KDM3A: variants seen among roughly 807,000 people sequenced by gnomAD.
KDM3A encodes lysine demethylase 3A, also known as lysine-specific demethylase 3A.
Under a neutral mutation model 158.0 loss-of-function variants are expected in KDM3A, and 60 were observed. The observed-to-expected ratio is 0.38, with a 90% CI of 0.31 to 0.47. The LOEUF (loss-of-function observed/expected upper bound fraction) is 0.47, where lower values mean the gene tolerates loss of function less well. KDM3A is among the 20% of genes least tolerant of loss of function. The pLI, the probability that KDM3A is intolerant of heterozygous loss-of-function variation, is 0.99. For missense variants in KDM3A, 1,319 were observed against 1,574.3 expected, an observed-to-expected ratio of 0.84 and a Z score of 2.74; for synonymous variants, 608 against 549.3, an observed-to-expected ratio of 1.11 and a Z score of -1.49.
intron 8 of KDM3A, among the ~76,000 whole-genome samples, chr2:86,461,189 C>A (rs1235143820): frequency 6.6e-6 from 1 of 152,112 alleles, no homozygotes; most frequent in South Asian, 2.1e-4. Context: ...ACACCAAAAT[C>A]CAGTACTCTT....
intron 12 of KDM3A, 79 bp from the exon 13 acceptor site, chr2:86,477,798 G>A (rs1407753742): frequency 7.4e-7 from 1 of 1,350,192 alleles, no homozygotes; most frequent in African/African-American, 1.5e-5. Context: ...AGGGAGGAAT[G>A]ACAATAACCC....
intron 4 of KDM3A, among the ~76,000 whole-genome samples, chr2:86,451,478 TAAA>T (rs1332162931): frequency 6.6e-6 from 1 of 152,184 alleles, no homozygotes; most frequent in Non-Finnish European, 1.5e-5. Context: ...ATTAGCTAGA[TAAA>T]AGAAAATGTT....
Position 86,480,242 on chromosome 2 carries a change from G to A in KDM3A, c.2392G>A (p.Val798Met), listed in dbSNP as rs1262066469. ...QNPSVLEPAAVGGEAASKPAG... is the reference protein window; with the variant it reads ...QNPSVLEPAAMGGEAASKPAG... Reference sequence around the variant, plus strand: ...TCCCTCAGTGTTGGAGCCAGCAGCTGTGGGTGGGGAAGCAGCCTCCAAGCC... The same window carrying A: ...TCCCTCAGTGTTGGAGCCAGCAGCTATGGGTGGGGAAGCAGCCTCCAAGCC... The change falls in exon 16 of 26, where the codon GTG becomes ATG. Residue 798 changes from valine (V) to methionine (M), a missense_variant. Physicochemically the swap from Val to Met is conservative, Grantham distance 21. This residue lies in a region of KDM3A where 368 missense variants were observed against 415.8 expected (regional missense o/e 0.89). Transcript: ENST00000312912. 5 of 1,613,822 alleles carry A rather than the reference G, an allele frequency of 3.1e-6. No homozygotes were observed. The highest frequency in any genetic ancestry group is 1.3e-5 in the African/African-American group (1 of 75,046).
chr2:86,475,363 T>C (rs903081271), intron 12 of KDM3A, among the ~76,000 whole-genome samples: 31 of 152,220 alleles, frequency 2.0e-4, no homozygotes, highest in African/African-American at 7.5e-4. Context: ...ATGGGAAGGC[T>C]GACTCTCAGA....
intron 20 of KDM3A, 73 bp downstream of exon 20, chr2:86,485,102 A>G: frequency 1.1e-6 from 1 of 870,110 alleles, no homozygotes; most frequent in Non-Finnish European, 1.9e-6. Context: ...TGAGGTAGTG[A>G]GAAAACAGTT....
At chr2:86,461,083 G>A (rs1286549123) in intron 8 of KDM3A, among the ~76,000 whole-genome samples, 2 of 151,730 alleles carry the variant, frequency 1.3e-5, no homozygotes, top group African/African-American at 2.4e-5. Flanking sequence ...TGATTTCAGC[G>A]CCAGGCACTA....
chr2:86,483,859 C>A, intron 18 of KDM3A, 128 bp from the exon 19 acceptor site: 1 of 732,734 alleles, frequency 1.4e-6, no homozygotes, highest in Non-Finnish European at 2.2e-6. Context: ...GAAACTGTCA[C>A]ATCACCATCT....
chr2:86,440,078 T>C (rs1437239820), upstream of KDM3A, among the ~76,000 whole-genome samples: 1 of 152,220 alleles, frequency 6.6e-6, no homozygotes, highest in African/African-American at 2.4e-5. Flanking sequence ...TGGTTTCTTT[T>C]GCTTATCTCG....
intron 8 of KDM3A, among the ~76,000 whole-genome samples, chr2:86,458,827 G>C (rs1256854603): frequency 6.6e-6 from 1 of 152,168 alleles, no homozygotes; most frequent in African/African-American, 2.4e-5. Flanking sequence ...GGGGTGTTCA[G>C]GGGTTTTAAG....
Position 86,478,230 on chromosome 2 carries a change from A to G in KDM3A, c.2153A>G (p.Glu718Gly). Residue 718 changes from glutamate to glycine, a missense_variant, in exon 14 of 26, where the codon GAG (glutamate) becomes GGG (glycine). Transcript: ENST00000312912. The stretch of plus-strand genomic sequence containing the variant: ...GTGAAGAGTCAGATACATGAACCAG[A>G]GAACTTAATGCCCACACAGATCATT... ...KCVKSQIHEP[E>G]NLMPTQIIPG... is the part of the protein sequence containing the mutation. The G allele has an allele frequency of 6.2e-7, 1 of 1,613,906 alleles. No homozygotes were observed. Among genetic ancestry groups the G allele is most frequent in the African/African-American group, 1.3e-5 (1 of 75,062 alleles).
chr2:86,453,358 G>A (rs1365667600), intron 4 of KDM3A, among the ~76,000 whole-genome samples: 10 of 152,232 alleles, frequency 6.6e-5, no homozygotes, highest in Middle Eastern at 3.4e-3. Context: ...CCACGTTGGG[G>A]GATGTGATTA....
chr2:86,445,365 T>C (rs1682912171), intron 2 of KDM3A, among the ~76,000 whole-genome samples: 1 of 152,260 alleles, frequency 6.6e-6, no homozygotes, highest in African/African-American at 2.4e-5. Flanking sequence ...GCTTTAATCT[T>C]ATTTTTATCC....
rs201739197 is a variant in KDM3A, at chr2:86,474,772, C to G, written c.1725-4C>G. 10 of 1,576,682 alleles carry G rather than the reference C, an allele frequency of 6.3e-6. No homozygotes were observed. Among genetic ancestry groups the G allele is most frequent in the Admixed American group, 1.7e-5 (1 of 59,044 alleles). On this transcript the variant is annotated splice_polypyrimidine_tract_variant and splice_region_variant and intron_variant, in intron 11 of 25. Transcript: ENST00000312912. ...TACATCTTTTTTTCCCCTGCTTCCCCTAGGTTACAATTCAACAAACATGGT... is the reference window on the plus strand; with the variant it reads ...TACATCTTTTTTTCCCCTGCTTCCCGTAGGTTACAATTCAACAAACATGGT...
At chr2:86,467,042 C>T (rs749388632) in intron 10 of KDM3A, among the ~76,000 whole-genome samples, 159 bp downstream of exon 10, 6 of 152,044 alleles carry the variant, frequency 3.9e-5, no homozygotes, top group Admixed American at 1.3e-4. Context: ...ATCTCAGAAA[C>T]GATTACTGTT....
intron 12 of KDM3A, among the ~76,000 whole-genome samples, chr2:86,475,977 G>T (rs527252208): frequency 1.3e-5 from 2 of 152,314 alleles, no homozygotes; most frequent in Admixed American, 6.5e-5. Flanking sequence ...ATCCAGAGCT[G>T]CCTGGGAGAA....
chr2:86,465,320 C>T (rs367561339), intron 9 of KDM3A, among the ~76,000 whole-genome samples: 2 of 152,124 alleles, frequency 1.3e-5, no homozygotes, highest in African/African-American at 4.8e-5. Context: ...TGAAATTATT[C>T]TCTGTTAGGG....
Position 86,481,493 on chromosome 2 carries a change from TTTTG to T in KDM3A, c.2513-433_2513-430del, listed in dbSNP as rs567690188. ...GTCTTTGAGGTTTTTGTTTGTTTGGTTTTGTTTTTTTTTTTTTAAACAGTTTCTG... is the reference window on the plus strand; with the variant it reads ...GTCTTTGAGGTTTTTGTTTGTTTGGTTTTTTTTTTTTTTAAACAGTTTCTG... On this transcript the variant is annotated intron_variant, in intron 16 of 25. Transcript: ENST00000312912. Among the ~76,000 whole-genome samples the T allele has an allele frequency of 4.1e-3, 626 of 151,752 alleles. 2 individuals carry two copies. The highest frequency in any genetic ancestry group is 6.9e-3 in the Non-Finnish European group (470 of 67,896).
chr2:86,489,754 G>A, intron 23 of KDM3A, 95 bp downstream of exon 23: 1 of 1,374,010 alleles, frequency 7.3e-7, no homozygotes, highest in Admixed American at 2.3e-5. Flanking sequence ...TAGGGGAATT[G>A]TCACAACCTG....
rs149635248 is a variant in KDM3A, at chr2:86,451,112, C to T, written c.352C>T (p.Pro118Ser). 3.8e-4 allele frequency: 602 copies of T among 1,603,994 alleles called. 2 individuals carry two copies. The highest frequency in any genetic ancestry group is 4.5e-4 in the Non-Finnish European group (535 of 1,176,516). Residue 118 changes from proline to serine, a missense_variant, in exon 4 of 26, where the codon CCT becomes TCT. Transcript: ENST00000312912. ...IVQWPAITYK[P>S]LLDKAGLGSI... Reference sequence around the variant, plus strand: ...TTTTCTTTTGTTTTAGACGTACAAACCTCTGTTGGACAAAGCTGGTTTGGG... The same window carrying T: ...TTTTCTTTTGTTTTAGACGTACAAATCTCTGTTGGACAAAGCTGGTTTGGG...
Sources: allele counts gnomAD v4.1 joint callset (sites outside exome capture counted in the v4.1 genomes callset), GRCh38; gene constraint gnomAD v4.1.1; regional missense constraint gnomAD v4.1.1; transcripts MANE v1.5; gene names NCBI Gene and HGNC (gene_info 2026-07-23, HGNC 2026-07-21).